The following PHKA1 variants were observed in gnomAD, a reference collection of about 807,000 sequenced individuals.
PHKA1 encodes the protein phosphorylase kinase regulatory subunit alpha 1, also known as phosphorylase b kinase regulatory subunit alpha, skeletal muscle isoform.
In PHKA1, 60 loss-of-function variants were observed where a neutral mutation model predicts 110.2. That is an observed-to-expected ratio of 0.54 (90% CI 0.44 to 0.68). The LOEUF (loss-of-function observed/expected upper bound fraction) is 0.68, where lower values mean the gene tolerates loss of function less well. PHKA1 is among the 30% of genes least tolerant of loss of function. PHKA1 has a pLI of 0.00. For synonymous variants in PHKA1, 316 were observed against 333.6 expected, an observed-to-expected ratio of 0.95 and a Z score of 0.58; for missense variants, 801 against 942.5, an observed-to-expected ratio of 0.85 and a Z score of 1.97.
intron 28 of PHKA1, among the ~76,000 whole-genome samples, chrX:72,597,116 G>A (rs144823485): frequency 8.9e-6 from 1 of 112,103 alleles, no homozygotes; most frequent in East Asian, 2.8e-4. Context: ...AGCCCATTGT[G>A]CAGAAAAGAG....
intron 20 of PHKA1, 58 bp downstream of exon 20, chrX:72,619,156 C>T: frequency 1.4e-6 from 1 of 710,257 alleles, no homozygotes; most frequent in Non-Finnish European, 2.2e-6. Flanking sequence ...CCTATTATTT[C>T]CCATAAAGAT....
At chrX:72,657,132 A>G (rs868975402) in intron 9 of PHKA1, among the ~76,000 whole-genome samples, 7 of 112,173 alleles carry the variant, frequency 6.2e-5, no homozygotes, top group African/African-American at 1.9e-4. Context: ...CTAGTTGAAT[A>G]AAGGGAACGT....
At chrX:72,677,106 CA>C (rs782697633) in intron 5 of PHKA1, among the ~76,000 whole-genome samples, 7 of 112,246 alleles carry the variant, frequency 6.2e-5, no homozygotes, top group Non-Finnish European at 1.3e-4. Flanking sequence ...GTGACCTTGA[CA>C]CTCTTTGAAG....
chrX:72,674,667 G>A (rs1309673847), intron 6 of PHKA1, among the ~76,000 whole-genome samples: 1 of 111,436 alleles, frequency 9.0e-6, no homozygotes, highest in Non-Finnish European at 1.9e-5. Flanking sequence ...CTTAACCTAA[G>A]GGTTCCACTT....
intron 4 of PHKA1, among the ~76,000 whole-genome samples, chrX:72,692,630 G>A (rs1234820118): frequency 9.0e-6 from 1 of 111,603 alleles, no homozygotes; most frequent in Non-Finnish European, 1.9e-5. Context: ...GTTGTCCATA[G>A]TATTCCCCTT....
intron 11 of PHKA1, among the ~76,000 whole-genome samples, chrX:72,653,029 C>A (rs1556299679): frequency 9.0e-6 from 1 of 111,672 alleles, no homozygotes; most frequent in Non-Finnish European, 1.9e-5. Context: ...CAATGTTACA[C>A]CCGACTGGCA....
chrX:72,651,908 A>T (rs1352522713), intron 12 of PHKA1, among the ~76,000 whole-genome samples: 2 of 112,006 alleles, frequency 1.8e-5, no homozygotes, highest in Non-Finnish European at 3.8e-5. Flanking sequence ...TAGACTTGCC[A>T]GATGATATGA....
At chrX:72,667,871 AAC>A (rs1382739785) in intron 6 of PHKA1, among the ~76,000 whole-genome samples, 5 of 112,041 alleles carry the variant, frequency 4.5e-5, no homozygotes, top group Non-Finnish European at 5.6e-5. Flanking sequence ...ATACTTTGAA[AAC>A]ACAGTAAAGT....
At chrX:72,619,125 A>G (rs1426377123) in intron 20 of PHKA1, 89 bp downstream of exon 20, 1 of 612,815 alleles carries the variant, frequency 1.6e-6, no homozygotes, top group African/African-American at 2.2e-5. Flanking sequence ...CTAGTTAGTA[A>G]CAAGAACCAT....
At chrX:72,599,525 G>A (rs1417976496) in intron 28 of PHKA1, among the ~76,000 whole-genome samples, 3 of 111,630 alleles carry the variant, frequency 2.7e-5, no homozygotes, top group Non-Finnish European at 5.7e-5. Context: ...GGCCTCATCC[G>A]CAGTCTTTCT....
At chrX:72,599,293 T>A (rs1437103087) in intron 28 of PHKA1, among the ~76,000 whole-genome samples, 2 of 111,792 alleles carry the variant, frequency 1.8e-5, no homozygotes, top group African/African-American at 6.5e-5. Context: ...TAGGCCATTA[T>A]GAGTCTTTGA....
At chrX:72,627,099 G>T in intron 16 of PHKA1, 50 bp from the exon 17 acceptor site, 1 of 927,309 alleles carries the variant, frequency 1.1e-6, no homozygotes, top group Non-Finnish European at 1.6e-6. Context: ...TAACTCTGAA[G>T]TAGGGAGAAA....
intron 14 of PHKA1, among the ~76,000 whole-genome samples, chrX:72,640,948 T>G (rs915993778): frequency 1.8e-5 from 2 of 111,369 alleles, no homozygotes; most frequent in Non-Finnish European, 3.8e-5. Flanking sequence ...CCATAAAATA[T>G]AAATAATTGA....
intron 8 of PHKA1, among the ~76,000 whole-genome samples, chrX:72,658,432 C>T (rs2053522046): frequency 9.8e-6 from 1 of 102,198 alleles, no homozygotes; most frequent in Admixed American, 1.1e-4. Context: ...GCACTCCAGC[C>T]TGGGTGACAA....
chrX:72,616,422 T>C (rs1556269463), intron 21 of PHKA1, among the ~76,000 whole-genome samples: 2 of 111,923 alleles, frequency 1.8e-5, no homozygotes, highest in Non-Finnish European at 3.8e-5. Context: ...CACCATATAA[T>C]GATAAGGGGG....
At chrX:72,690,518 G>C (rs1296517986) in intron 4 of PHKA1, among the ~76,000 whole-genome samples, 1 of 111,064 alleles carries the variant, frequency 9.0e-6, no homozygotes, top group Non-Finnish European at 1.9e-5. Flanking sequence ...CACACACATA[G>C]AGAAAAGGCC....
chrX:72,642,270 A>G (rs902293229), intron 14 of PHKA1, among the ~76,000 whole-genome samples: 4 of 111,892 alleles, frequency 3.6e-5, no homozygotes, highest in African/African-American at 1.3e-4. Context: ...ATGATGGCCC[A>G]GAGCTTAGAA....
chrX:72,698,592 T>C (rs2054160806), intron 3 of PHKA1, among the ~76,000 whole-genome samples: 1 of 112,493 alleles, frequency 8.9e-6, no homozygotes, highest in Admixed American at 9.4e-5. Flanking sequence ...AGAACGATTC[T>C]TTGCTTGTGT....
intron 16 of PHKA1, among the ~76,000 whole-genome samples, chrX:72,628,109 G>A (rs901557410): frequency 1.8e-5 from 2 of 110,781 alleles, no homozygotes; most frequent in Non-Finnish European, 3.8e-5. Flanking sequence ...GATTACAGGC[G>A]TGAGCCACCG....
Sources: allele counts gnomAD v4.1 joint callset (sites outside exome capture counted in the v4.1 genomes callset), GRCh38; gene constraint gnomAD v4.1.1; transcripts MANE v1.5; gene names NCBI Gene and HGNC (gene_info 2026-07-23, HGNC 2026-07-21).